DCAF8L2: variants seen among roughly 807,000 people sequenced by gnomAD.
DCAF8L2 encodes the protein DDB1 and CUL4 associated factor 8 like 2.
For synonymous variants in DCAF8L2, 200 were observed against 190.9 expected, an observed-to-expected ratio of 1.05 and a Z score of -0.39; for missense variants, 430 against 490.7, an observed-to-expected ratio of 0.88 and a Z score of 1.17.
the DCAF8L2 span, among the ~76,000 whole-genome samples, chrX:27,522,881 G>T: frequency 9.0e-6 from 1 of 111,473 alleles, no homozygotes; most frequent in Non-Finnish European, 1.9e-5. Flanking sequence ...GATGAAATAG[G>T]GAGCAGACTC....
At chrX:27,604,349 G>T (rs1602645190) in intron 1 of DCAF8L2, among the ~76,000 whole-genome samples, 1 of 111,024 alleles carries the variant, frequency 9.0e-6, no homozygotes, top group East Asian at 2.8e-4. Context: ...TAAAGTGCCA[G>T]CCAAGGAGAA....
the DCAF8L2 span, among the ~76,000 whole-genome samples, chrX:27,559,016 A>C: frequency 9.0e-6 from 1 of 110,711 alleles, no homozygotes; most frequent in Admixed American, 9.7e-5. Flanking sequence ...CCTGGTATGA[A>C]GTGATTAGAT....
At chrX:27,578,014 A>G in the DCAF8L2 span, among the ~76,000 whole-genome samples, 5 of 111,558 alleles carry the variant, frequency 4.5e-5, no homozygotes, top group African/African-American at 1.6e-4. Context: ...CCATTAAACT[A>G]CCATTGACAT....
chrX:27,688,914 A>G (rs1021576443), intron 3 of DCAF8L2, among the ~76,000 whole-genome samples: 4 of 111,545 alleles, frequency 3.6e-5, no homozygotes, highest in African/African-American at 1.3e-4. Context: ...CACTCAAGGT[A>G]GGTTTTATTA....
chrX:27,514,696 C>CA, the DCAF8L2 span, among the ~76,000 whole-genome samples: 1,079 of 39,924 alleles, frequency 0.027, 55 homozygotes, highest in Admixed American at 0.12. Flanking sequence ...AAAAAAAAAA[C>CA]AAAAAAAAAA....
intron 3 of DCAF8L2, among the ~76,000 whole-genome samples, chrX:27,704,189 CATATGTAT>C (rs1931249120): frequency 1.2e-5 from 1 of 83,908 alleles, no homozygotes; most frequent in African/African-American, 7.3e-5. Flanking sequence ...TACACACACA[CATATGTAT>C]ATACACATGT....
chrX:27,595,376 A>C (rs778198544), intron 1 of DCAF8L2, among the ~76,000 whole-genome samples: 1 of 111,654 alleles, frequency 9.0e-6, no homozygotes, highest in Non-Finnish European at 1.9e-5. Flanking sequence ...TTCTCATCTC[A>C]GTTAATGGTA....
chrX:27,600,443 G>C (rs1289918607), intron 1 of DCAF8L2, among the ~76,000 whole-genome samples: 1 of 111,728 alleles, frequency 9.0e-6, no homozygotes, highest in Non-Finnish European at 1.9e-5. Flanking sequence ...GGCCATCTCA[G>C]TATTTCATAA....
At chrX:27,581,447 C>A in the DCAF8L2 span, among the ~76,000 whole-genome samples, 1 of 111,740 alleles carries the variant, frequency 8.9e-6, no homozygotes, top group Non-Finnish European at 1.9e-5. Flanking sequence ...TTAAATATCA[C>A]TGCTTCCTCT....
chrX:27,518,150 T>G, the DCAF8L2 span: 1 of 934,113 alleles, frequency 1.1e-6, no homozygotes, highest in Non-Finnish European at 1.6e-6. Context: ...GAAGCCATCT[T>G]AAAGGATGAA....
At chrX:27,682,494 A>G (rs1417503916) in intron 3 of DCAF8L2, among the ~76,000 whole-genome samples, 1 of 111,775 alleles carries the variant, frequency 8.9e-6, no homozygotes, top group Non-Finnish European at 1.9e-5. Context: ...TTTACTTTAG[A>G]GTAATTTATT....
intron 3 of DCAF8L2, among the ~76,000 whole-genome samples, chrX:27,698,723 T>C (rs1232531532): frequency 9.0e-6 from 1 of 111,651 alleles, no homozygotes; most frequent in Non-Finnish European, 1.9e-5. Context: ...GTACACCGTC[T>C]GACTTTTAAA....
chrX:27,537,798 G>C, the DCAF8L2 span, among the ~76,000 whole-genome samples: 3 of 111,807 alleles, frequency 2.7e-5, no homozygotes, highest in Non-Finnish European at 3.8e-5. Flanking sequence ...GGTGAGGAGA[G>C]GAAATATGTT....
At chrX:27,599,141 TA>T (rs914494222) in intron 1 of DCAF8L2, among the ~76,000 whole-genome samples, 22 of 108,667 alleles carry the variant, frequency 2.0e-4, no homozygotes, top group African/African-American at 4.3e-4. Context: ...GATGAATGGA[TA>T]AAAAAAAATG....
chrX:27,514,273 ACATATGTACATATGTGTGTGCATATGTG>A, the DCAF8L2 span, among the ~76,000 whole-genome samples: 46 of 41,686 alleles, frequency 1.1e-3, no homozygotes, highest in Non-Finnish European at 2.6e-3. Flanking sequence ...GCATATGTGC[ACATATGTACATATGTGTGTGCATATGTG>A]CACATATGTG....
At chrX:27,523,455 TG>T in the DCAF8L2 span, among the ~76,000 whole-genome samples, 50 of 108,070 alleles carry the variant, frequency 4.6e-4, no homozygotes, top group African/African-American at 1.6e-3. Flanking sequence ...TGTATAGCAA[TG>T]GGTTAATTAT....
chrX:27,609,328 T>C (rs1195029864), intron 1 of DCAF8L2, among the ~76,000 whole-genome samples: 1 of 111,314 alleles, frequency 9.0e-6, no homozygotes, highest in African/African-American at 3.3e-5. Flanking sequence ...ACTTTCCAGG[T>C]CTCCCGAAGT....
At chrX:27,625,042 T>A in intron 1 of DCAF8L2, among the ~76,000 whole-genome samples, 1 of 111,710 alleles carries the variant, frequency 9.0e-6, no homozygotes, top group African/African-American at 3.3e-5. Flanking sequence ...TAAAAGAAAC[T>A]ATCAACAGAG....
At chrX:27,632,473 T>C (rs1443676493) in intron 2 of DCAF8L2, 1 of 111,483 alleles carries the variant, frequency 9.0e-6, no homozygotes, top group Non-Finnish European at 1.9e-5. Context: ...CCTAATTCTC[T>C]GATTTCATCT....
Sources: allele counts gnomAD v4.1 joint callset (sites outside exome capture counted in the v4.1 genomes callset), GRCh38; gene constraint gnomAD v4.1.1; transcripts MANE v1.5; gene names NCBI Gene and HGNC (gene_info 2026-07-23, HGNC 2026-07-21).